CYSLTR2: variants seen among roughly 807,000 people sequenced by gnomAD.
The protein encoded by CYSLTR2 is cysteinyl leukotriene receptor 2.
For missense variants in CYSLTR2, 398 were observed against 411.9 expected (o/e 0.97, Z 0.29); for synonymous variants, 179 against 160.8 (o/e 1.11, Z -0.86).
At chr13:48,692,915 T>C (rs1024078447) in intron 2 of CYSLTR2, among the ~76,000 whole-genome samples, 2 of 151,832 alleles carry the variant, frequency 1.3e-5, no homozygotes, top group African/African-American at 2.4e-5. Context: ...AGTGTTTTTA[T>C]GTTTATTTAG....
intron 1 of CYSLTR2, among the ~76,000 whole-genome samples, chr13:48,678,582 G>C (rs1953664173): frequency 6.6e-6 from 1 of 152,046 alleles, no homozygotes; most frequent in Non-Finnish European, 1.5e-5. Context: ...ACATTTATCA[G>C]GTTCACCTAG....
chr13:48,708,153 A>G lies in CYSLTR2; in HGVS notation c.*295A>G, dbSNP rs1365045261. ...GATCCTACTTTTCTTCAGATATTGAACCAGATCTCTGGCCCATCAGGCTTT... is the reference window on the plus strand; with the variant it reads ...GATCCTACTTTTCTTCAGATATTGAGCCAGATCTCTGGCCCATCAGGCTTT... On this transcript the variant is annotated 3_prime_UTR_variant, in exon 5 of 5. Transcript: ENST00000682523. 1.2e-5 allele frequency: 3 copies of G among 247,662 alleles called. No homozygotes were observed. Among genetic ancestry groups the G allele is most frequent in the Non-Finnish European group, 2.5e-5 (3 of 120,098 alleles). 15.3% of individuals were successfully genotyped at this position (247,662 alleles called of 1,614,324 possible). A position where few individuals can be genotyped will look rare whatever the true frequency, so the allele number is the denominator to read the frequency against.
At chr13:48,661,405 T>A (rs945243079) in intron 1 of CYSLTR2, among the ~76,000 whole-genome samples, 10 of 151,730 alleles carry the variant, frequency 6.6e-5, no homozygotes, top group African/African-American at 2.4e-4. Context: ...ACACCTGTCA[T>A]GCTTCTCACC....
chr13:48,680,800 C>CTTTTTTTTTTTTT (rs139896583), intron 1 of CYSLTR2, among the ~76,000 whole-genome samples: 11 of 55,042 alleles, frequency 2.0e-4, no homozygotes, highest in East Asian at 1.2e-3. Context: ...CTTTTCTTTT[C>CTTTTTTTTTTTTT]TTTTTTTTTT....
chr13:48,699,005 C>A (rs1461611706), intron 4 of CYSLTR2, among the ~76,000 whole-genome samples: 1 of 152,164 alleles, frequency 6.6e-6, no homozygotes, highest in African/African-American at 2.4e-5. Context: ...AATACAGGAG[C>A]ACCCAGATTC....
At chr13:48,694,893 T>C (rs957778957) in intron 3 of CYSLTR2, 4 of 152,080 alleles carry the variant, frequency 2.6e-5, no homozygotes, top group African/African-American at 4.8e-5. Flanking sequence ...AGTTTGTAGA[T>C]GGAATTTTGC....
chr13:48,692,996 C>T (rs1954076076), intron 2 of CYSLTR2, among the ~76,000 whole-genome samples: 1 of 151,648 alleles, frequency 6.6e-6, no homozygotes, highest in Non-Finnish European at 1.5e-5. Context: ...AGTTAAGGAT[C>T]AGGAAATTAC....
chr13:48,691,198 G>C lies in CYSLTR2; in HGVS notation c.-265-14G>C, dbSNP rs568716852. 5 of 151,990 alleles carry C rather than the reference G, an allele frequency of 3.3e-5. No homozygotes were observed. In the South Asian group the frequency reaches 1.0e-3, roughly 32 times the overall value. 9.4% of individuals were successfully genotyped at this position (151,990 alleles called of 1,614,324 possible). ...GGCAAATTTTACTTTTTGTTCGTTT[G>C]TTTGTTTTTTCAGTCTGAACCAACA... On this transcript the variant is annotated splice_polypyrimidine_tract_variant and intron_variant, in intron 1 of 4. Transcript: ENST00000682523.
intron 1 of CYSLTR2, among the ~76,000 whole-genome samples, chr13:48,682,815 T>C (rs1036107461): frequency 2.6e-5 from 4 of 152,176 alleles, no homozygotes; most frequent in Non-Finnish European, 5.9e-5. Context: ...GTATAGAGTA[T>C]TTTGTCAGTC....
rs1342278484 is a variant in CYSLTR2, at chr13:48,710,669, G to A, written c.*2811G>A. 1 of 152,208 alleles carries A rather than the reference G, an allele frequency of 6.6e-6. No individual in the cohort carries two copies. Among genetic ancestry groups the A allele is most frequent in the East Asian group, 1.9e-4 (1 of 5,194 alleles). The allele number at this position is 152,208 out of a possible 1,614,324, so 9.4% of individuals were successfully genotyped here. On this transcript the variant is annotated 3_prime_UTR_variant, in exon 5 of 5. Coordinates refer to ENST00000682523, the MANE Select transcript of CYSLTR2 (RefSeq NM_001308476.3). Reference sequence around the variant, plus strand: ...AAAAGAAATTTGTGCTAGTTTTGCTGTTGCACCACAAGCTGCAAAAATTAT... The same window carrying A: ...AAAAGAAATTTGTGCTAGTTTTGCTATTGCACCACAAGCTGCAAAAATTAT...
rs1221450920 is a variant in CYSLTR2 at position 48,693,454 on chromosome 13, T to C, written c.-159T>C. ...TTTTTTCAGACATTTTGACTACTTG[T>C]CTGAACTAGATATCCCTTGAATGTG... On this transcript the variant is annotated 5_prime_UTR_variant, in exon 3 of 5. Coordinates refer to ENST00000682523, the MANE Select transcript of CYSLTR2 (RefSeq NM_001308476.3). 2 of 152,090 alleles carry C rather than the reference T, an allele frequency of 1.3e-5. No individual in the cohort carries two copies. The highest frequency in any genetic ancestry group is 4.8e-5 in the African/African-American group (2 of 41,426). 9.4% of individuals were successfully genotyped at this position (152,090 alleles called of 1,614,324 possible). A position where few individuals can be genotyped will look rare whatever the true frequency, so the allele number is the denominator to read the frequency against.
intron 1 of CYSLTR2, among the ~76,000 whole-genome samples, chr13:48,660,925 T>G (rs1223261215): frequency 6.6e-6 from 1 of 152,172 alleles, no homozygotes; most frequent in Non-Finnish European, 1.5e-5. Context: ...TCTGCACAAC[T>G]TCAGAGAGCT....
intron 2 of CYSLTR2, among the ~76,000 whole-genome samples, chr13:48,691,630 T>A (rs1363457974): frequency 1.3e-5 from 2 of 152,032 alleles, no homozygotes; most frequent in African/African-American, 4.8e-5. Flanking sequence ...TTTTGATGAG[T>A]CCCATGTCAT....
At chr13:48,698,618 A>G (rs9568084) in intron 4 of CYSLTR2, among the ~76,000 whole-genome samples, 90,273 of 152,040 alleles carry the variant, frequency 0.59, 28,360 homozygotes, top group African/African-American at 0.82. Flanking sequence ...ATCAACTAAC[A>G]AGCAAAATAA....
chr13:48,678,344 C>T lies in CYSLTR2; in HGVS notation c.-265-12868C>T, dbSNP rs113895451. Among the ~76,000 whole-genome samples the T allele has an allele frequency of 6.1e-3, 922 of 152,198 alleles. 12 individuals carry two copies. The highest frequency in any genetic ancestry group is 0.021 in the African/African-American group (858 of 41,528). ...TTTTATTCCCATTGAACACTCACTTCTCCTTAAAGCAATCTTTTTCTCCTT... is the reference window on the plus strand; with the variant it reads ...TTTTATTCCCATTGAACACTCACTTTTCCTTAAAGCAATCTTTTTCTCCTT... On this transcript the variant is annotated intron_variant, in intron 1 of 4. Coordinates refer to ENST00000682523, the MANE Select transcript of CYSLTR2 (RefSeq NM_001308476.3).
intron 4 of CYSLTR2, among the ~76,000 whole-genome samples, chr13:48,704,719 G>A (rs1393360378): frequency 6.6e-6 from 1 of 152,078 alleles, no homozygotes; most frequent in African/African-American, 2.4e-5. Flanking sequence ...ATTCAGAAGT[G>A]TGTTGTTTAG....
At chr13:48,678,693 C>T (rs1300309399) in intron 1 of CYSLTR2, among the ~76,000 whole-genome samples, 3 of 152,194 alleles carry the variant, frequency 2.0e-5, no homozygotes, top group Non-Finnish European at 4.4e-5. Context: ...CCCATTTCTT[C>T]AGCCCAATCA....
At chr13:48,706,221 C>A (rs566737287) in intron 4 of CYSLTR2, among the ~76,000 whole-genome samples, 326 of 152,200 alleles carry the variant, frequency 2.1e-3, no homozygotes, top group African/African-American at 7.7e-3. Flanking sequence ...GTCTTGAACT[C>A]CTGACCTCAG....
intron 1 of CYSLTR2, among the ~76,000 whole-genome samples, chr13:48,665,765 G>A (rs1055194616): frequency 1.8e-4 from 28 of 151,914 alleles, no homozygotes; most frequent in African/African-American, 6.5e-4. Context: ...AATCTATTAG[G>A]CCAGTCTATA....
Sources: gnomAD v4.1 joint callset for allele counts (sites outside exome capture counted in the v4.1 genomes callset) on GRCh38, gnomAD v4.1.1 for gene constraint, MANE v1.5 for transcripts, NCBI Gene and HGNC (gene_info 2026-07-23, HGNC 2026-07-21) for gene names.